The following CRTAC1 variants were observed in gnomAD, a reference collection of about 807,000 sequenced individuals.
CRTAC1 encodes the protein acidic secreted protein in cartilage.
In CRTAC1, 37 loss-of-function variants were observed where a neutral mutation model predicts 67.8. The observed-to-expected ratio is 0.55, with a 90% CI of 0.42 to 0.72. CRTAC1 has a LOEUF of 0.72. Ranked by LOEUF, CRTAC1 falls within the 30% of genes least tolerant of loss-of-function variation. The probability of loss-of-function intolerance (pLI) is 0.00; values close to 1 mark genes in which losing one functional copy is unlikely to be tolerated. For missense variants in CRTAC1, 780 were observed against 931.6 expected (o/e 0.84, Z 2.12); for synonymous variants, 348 against 371.0 (o/e 0.94, Z 0.71).
At chr10:97,907,902 G>C in intron 6 of CRTAC1, 111 bp downstream of exon 6, 1 of 1,195,806 alleles carries the variant, frequency 8.4e-7, no homozygotes, top group East Asian at 2.4e-5. Context: ...GACTTGCCCT[G>C]CTCTCCCTCA....
chr10:98,030,047 T>C lies in CRTAC1; in HGVS notation c.24+402A>G, dbSNP rs1301247161. Among the ~76,000 whole-genome samples, 1 of 152,044 alleles carries C rather than the reference T, an allele frequency of 6.6e-6. No homozygotes were observed. Among genetic ancestry groups the C allele is most frequent in the Admixed American group, 6.5e-5 (1 of 15,284 alleles). On this transcript the variant is annotated intron_variant, in intron 1 of 14. Transcript: ENST00000370597. The surrounding 1 kb of genome is among the most constrained non-coding windows in gnomAD (Gnocchi z 4.2). ...GGCTTCCCAGGCCCGGGTCTCAGCC[T>C]GGCTGACTGGGAGACTCTCCCGATA...
chr10:97,876,755 G>A (rs184265073), intron 14 of CRTAC1, among the ~76,000 whole-genome samples: 3 of 152,284 alleles, frequency 2.0e-5, no homozygotes, highest in Non-Finnish European at 2.9e-5. Context: ...GGGACGGAAC[G>A]GTTTGGGCTC....
chr10:97,895,778 A>T lies in CRTAC1; in HGVS notation c.1317+107T>A. On this transcript the variant is annotated intron_variant, in intron 10 of 14. Transcript: ENST00000370597. The surrounding 1 kb of genome is among the most constrained non-coding windows in gnomAD (Gnocchi z 4.2). ...TCCTCCAGGGCCCGGGACTTCCATT[A>T]CCCACCATGCTGGCCAAGCCAGCAC... 1.1e-6 allele frequency: 1 copy of T among 884,376 alleles called. No homozygotes were observed. The highest frequency in any genetic ancestry group is 1.7e-6 in the Non-Finnish European group (1 of 572,552). 54.8% of individuals were successfully genotyped at this position (884,376 alleles called of 1,614,324 possible).
intron 2 of CRTAC1, among the ~76,000 whole-genome samples, chr10:98,002,523 A>G (rs1337011993): frequency 2.6e-5 from 4 of 151,538 alleles, no homozygotes. Flanking sequence ...AGTGCTCTCG[A>G]CCCCCCAACC....
In CRTAC1 at chr10:98,030,351, G is replaced by A. The variant is rs1447132091; in HGVS notation, c.24+98C>T. 2 of 755,614 alleles carry A rather than the reference G, an allele frequency of 2.6e-6. No individual in the cohort carries two copies. Among genetic ancestry groups the A allele is most frequent in the Admixed American group, 4.4e-5 (1 of 22,722 alleles). The allele number at this position is 755,614 out of a possible 1,614,324, so 46.8% of individuals were successfully genotyped here. A position where few individuals can be genotyped will look rare whatever the true frequency, so the allele number is the denominator to read the frequency against. ...TCCCAGTCTTCCCGGGTTCCCGGGC[G>A]GCGTCCCCGCCACCCTTGCGGGCGG... On this transcript the variant is annotated intron_variant, in intron 1 of 14. Transcript: ENST00000370597. The surrounding 1 kb of genome is among the most constrained non-coding windows in gnomAD (Gnocchi z 4.2).
At chr10:97,964,577 G>A (rs1208927156) in intron 2 of CRTAC1, among the ~76,000 whole-genome samples, 3 of 152,198 alleles carry the variant, frequency 2.0e-5, no homozygotes, top group African/African-American at 7.2e-5. Context: ...AAGCTTGAGT[G>A]TGAACAGAAG....
At position 97,950,244 on chromosome 10, in the gene CRTAC1, C is replaced by CAG. The variant is rs1291012749; in HGVS notation, c.225-13879_225-13878insCT. Among the ~76,000 whole-genome samples, 980 of 111,958 alleles carry CAG rather than the reference C, an allele frequency of 8.8e-3. 13 individuals carry two copies. Among genetic ancestry groups the CAG allele is most frequent in the African/African-American group, 0.032 (809 of 25,264 alleles). The allele number at this position is 111,958 out of a possible 152,430, so 73.4% of individuals were successfully genotyped here. A position where few individuals can be genotyped will look rare whatever the true frequency, so the allele number is the denominator to read the frequency against. ...TTTTGCATGTACGTGCACACACACA[C>CAG]ACAGAGAGAGAGAGAGAGAGAGAGA... On this transcript the variant is annotated intron_variant, in intron 2 of 14. Coordinates refer to ENST00000370597, the MANE Select transcript of CRTAC1 (RefSeq NM_018058.7).
intron 5 of CRTAC1, among the ~76,000 whole-genome samples, chr10:97,914,948 C>T (rs565119627): frequency 1.3e-4 from 20 of 152,206 alleles, no homozygotes; most frequent in African/African-American, 4.3e-4. Flanking sequence ...TGTGACCCAG[C>T]GGAGCAGCTG....
chr10:97,934,861 G>C (rs962405973), intron 3 of CRTAC1, among the ~76,000 whole-genome samples: 10 of 151,608 alleles, frequency 6.6e-5, no homozygotes, highest in African/African-American at 1.2e-4. Context: ...TAGGGACACT[G>C]TGACCTGGGA....
intron 6 of CRTAC1, among the ~76,000 whole-genome samples, chr10:97,906,309 G>A (rs530742648): frequency 6.6e-6 from 1 of 152,268 alleles, no homozygotes; most frequent in African/African-American, 2.4e-5. Flanking sequence ...GGCCTTCTGC[G>A]TTGGCCCATT....
intron 5 of CRTAC1, among the ~76,000 whole-genome samples, chr10:97,908,931 G>A (rs1284608358): frequency 6.6e-6 from 1 of 152,198 alleles, no homozygotes; most frequent in African/African-American, 2.4e-5. Flanking sequence ...ACCCCAAGCT[G>A]TGAACACTGG....
intron 2 of CRTAC1, among the ~76,000 whole-genome samples, chr10:97,943,973 T>C (rs148189536): frequency 3.2e-4 from 48 of 151,964 alleles, no homozygotes; most frequent in African/African-American, 1.2e-3. Context: ...AAAATTAGAA[T>C]AAGGTTTAGT....
chr10:97,880,992 CCT>C (rs1336503566), intron 13 of CRTAC1, among the ~76,000 whole-genome samples: 1 of 152,300 alleles, frequency 6.6e-6, no homozygotes, highest in Non-Finnish European at 1.5e-5. Context: ...CTCTCTGTCA[CCT>C]CTTTCTCATT....
chr10:97,917,484 A>G lies in CRTAC1; in HGVS notation c.715+16T>C, dbSNP rs370843275. The G allele has an allele frequency of 5.4e-6, 8 of 1,492,750 alleles. No individual in the cohort carries two copies. The African/African-American group carries it at 8.4e-5, about 16-fold the overall frequency. 92.5% of individuals were successfully genotyped at this position (1,492,750 alleles called of 1,614,324 possible). ...CAGCCCCTCCAGCATACTACCTCCC[A>G]TGTCACTCTGCATACCTGTATATTT... is the stretch of plus-strand genomic sequence containing the variant. On this transcript the variant is annotated intron_variant, in intron 5 of 14. Transcript: ENST00000370597.
At position 97,940,065 on chromosome 10, in the gene CRTAC1, A is replaced by G. The variant is rs115418982; in HGVS notation, c.225-3699T>C. Among the ~76,000 whole-genome samples the G allele has an allele frequency of 4.1e-3, 625 of 152,342 alleles. 3 individuals are homozygous for G. Among genetic ancestry groups the G allele is most frequent in the African/African-American group, 0.014 (565 of 41,576 alleles). On this transcript the variant is annotated intron_variant, in intron 2 of 14. Coordinates refer to ENST00000370597, the MANE Select transcript of CRTAC1 (RefSeq NM_018058.7). ...TGTTTGATACAAGAATGAGTGAATC[A>G]GTGGATGAATGAATGAATAAATAAA... is the stretch of plus-strand genomic sequence containing the variant.
chr10:98,020,138 C>T (rs1843086880), intron 1 of CRTAC1, among the ~76,000 whole-genome samples: 1 of 152,174 alleles, frequency 6.6e-6, no homozygotes, highest in African/African-American at 2.4e-5. Flanking sequence ...GCTTCTGTCT[C>T]TCCTCTCCCC....
intron 2 of CRTAC1, among the ~76,000 whole-genome samples, chr10:97,988,745 G>A (rs2052026267): frequency 6.6e-6 from 1 of 152,188 alleles, no homozygotes; most frequent in Non-Finnish European, 1.5e-5. Flanking sequence ...AAGAAATTAT[G>A]ATGGCAGTAC....
chr10:97,872,576 ACC>A (rs2050105672), intron 14 of CRTAC1, among the ~76,000 whole-genome samples: 2 of 152,274 alleles, frequency 1.3e-5, no homozygotes, highest in Admixed American at 1.3e-4. Context: ...AGAGATCTGG[ACC>A]TCAGGCCCTA....
At chr10:98,002,149 G>A (rs781495114) in intron 2 of CRTAC1, among the ~76,000 whole-genome samples, 1 of 152,202 alleles carries the variant, frequency 6.6e-6, no homozygotes, top group Non-Finnish European at 1.5e-5. Flanking sequence ...GGGAATAAGA[G>A]AGACTTCAAG....
Sources: gnomAD v4.1 joint callset for allele counts (sites outside exome capture counted in the v4.1 genomes callset) on GRCh38, gnomAD v4.1.1 for gene constraint, Gnocchi (gnomAD v3.1) non-coding constraint, MANE v1.5 for transcripts, NCBI Gene and HGNC (gene_info 2026-07-23, HGNC 2026-07-21) for gene names.